Variants in GRIP1 observed in about 807,000 individuals in gnomAD.
GRIP1 encodes glutamate receptor interacting protein 1.
Under a neutral mutation model 129.9 loss-of-function variants are expected in GRIP1, and 45 were observed. The observed-to-expected ratio is 0.35, with a 90% CI of 0.27 to 0.44. The LOEUF is 0.44. Ranked by LOEUF, GRIP1 falls within the 20% of genes least tolerant of loss-of-function variation. GRIP1 has a pLI of 1.00. For missense variants in GRIP1, 1,196 were observed against 1,396.8 expected (o/e 0.86, Z 2.29); for synonymous variants, 530 against 520.8 (o/e 1.02, Z -0.24).
At chr12:66,518,004 A>C (rs200064307) in intron 5 of GRIP1, 28 bp from the exon 6 acceptor site, 82 of 1,219,574 alleles carry the variant, frequency 6.7e-5, no homozygotes, top group Non-Finnish European at 9.0e-5. Flanking sequence ...CAGAGCTTAA[A>C]ACTGCTTTCA....
intron 1 of GRIP1, among the ~76,000 whole-genome samples, chr12:66,672,853 T>G (rs540241319): frequency 8.5e-5 from 13 of 152,156 alleles, no homozygotes; most frequent in Non-Finnish European, 1.8e-4. Context: ...TAAAACAGTT[T>G]TCACAAGTAA....
At chr12:66,982,575 T>C (rs986853243) in intron 1 of GRIP1, among the ~76,000 whole-genome samples, 3 of 152,194 alleles carry the variant, frequency 2.0e-5, no homozygotes, top group Non-Finnish European at 2.9e-5. Flanking sequence ...GAGGCCCTCA[T>C]GGTAAGAAAT....
intron 23 of GRIP1, among the ~76,000 whole-genome samples, chr12:66,364,031 T>C (rs1263083913): frequency 6.6e-6 from 1 of 151,876 alleles, no homozygotes; most frequent in East Asian, 1.9e-4. Context: ...GGAAGGTGGA[T>C]CATGAGGTCA....
chr12:66,517,215 C>T (rs2060871957), intron 6 of GRIP1, among the ~76,000 whole-genome samples: 1 of 152,076 alleles, frequency 6.6e-6, no homozygotes. Context: ...TCAACTTTTG[C>T]TGTGGGAAAC....
intron 1 of GRIP1, among the ~76,000 whole-genome samples, chr12:66,935,568 G>A (rs2137423642): frequency 6.6e-6 from 1 of 152,248 alleles, no homozygotes; most frequent in South Asian, 2.1e-4. Flanking sequence ...AATCAATCAT[G>A]GCCATTGATA....
intron 1 of GRIP1, among the ~76,000 whole-genome samples, chr12:66,879,416 T>A (rs1330472290): frequency 6.6e-6 from 1 of 152,076 alleles, no homozygotes; most frequent in East Asian, 1.9e-4. Context: ...CTATCATTCA[T>A]TTATAGGTTA....
chr12:66,398,089 A>G (rs1272670634), intron 16 of GRIP1, among the ~76,000 whole-genome samples: 4 of 152,102 alleles, frequency 2.6e-5, no homozygotes, highest in African/African-American at 9.7e-5. Flanking sequence ...GAAGGGCCCC[A>G]CTGTGGCTCT....
upstream of GRIP1, among the ~76,000 whole-genome samples, chr12:66,804,379 G>A (rs896238148): frequency 2.0e-5 from 3 of 151,876 alleles, no homozygotes; most frequent in African/African-American, 7.3e-5. Flanking sequence ...AGCGATATGG[G>A]TTTACCTTGA....
intron 1 of GRIP1, among the ~76,000 whole-genome samples, chr12:66,607,907 A>G (rs1006746230): frequency 3.9e-4 from 59 of 152,100 alleles, no homozygotes; most frequent in African/African-American, 1.4e-3. Flanking sequence ...TCACTTTTTT[A>G]TAGACTTTAG....
intron 13 of GRIP1, among the ~76,000 whole-genome samples, chr12:66,434,331 G>A (rs1232375967): frequency 6.6e-6 from 1 of 152,146 alleles, no homozygotes; most frequent in African/African-American, 2.4e-5. Flanking sequence ...GCAATCAGCT[G>A]CCTTTCCCAT....
At chr12:66,824,842 A>C (rs1191314680) in intron 1 of GRIP1, among the ~76,000 whole-genome samples, 3 of 152,190 alleles carry the variant, frequency 2.0e-5, no homozygotes, top group African/African-American at 7.2e-5. Flanking sequence ...GGAAATGTAT[A>C]TGATAGCACA....
intron 1 of GRIP1, among the ~76,000 whole-genome samples, chr12:66,809,945 C>T (rs575145263): frequency 2.0e-5 from 3 of 152,184 alleles, no homozygotes; most frequent in African/African-American, 7.2e-5. Context: ...CATGAGCCAC[C>T]ACACCTGGCT....
chr12:66,608,968 T>C (rs868823653), intron 1 of GRIP1, among the ~76,000 whole-genome samples: 7 of 147,644 alleles, frequency 4.7e-5, no homozygotes, highest in Admixed American at 3.4e-4. Flanking sequence ...ATATTATATA[T>C]ATATTTTTTT....
intron 1 of GRIP1, among the ~76,000 whole-genome samples, chr12:66,823,477 T>C (rs961203151): frequency 6.6e-6 from 1 of 152,164 alleles, no homozygotes; most frequent in Non-Finnish European, 1.5e-5. Flanking sequence ...TGATCAATGA[T>C]CATTTACAGC....
chr12:67,004,756 A>G (rs2042602676), intron 1 of GRIP1, among the ~76,000 whole-genome samples: 1 of 152,220 alleles, frequency 6.6e-6, no homozygotes, highest in Non-Finnish European at 1.5e-5. Flanking sequence ...CTTTTTTTAA[A>G]GTTTAAAGGG....
chr12:66,951,876 G>A (rs2041763628), intron 1 of GRIP1, among the ~76,000 whole-genome samples: 1 of 152,148 alleles, frequency 6.6e-6, no homozygotes, highest in African/African-American at 2.4e-5. Flanking sequence ...CAGACCTGAT[G>A]ACAGTGATGA....
intron 7 of GRIP1, among the ~76,000 whole-genome samples, chr12:66,488,527 G>A (rs939452552): frequency 1.3e-5 from 2 of 152,130 alleles, no homozygotes; most frequent in Non-Finnish European, 2.9e-5. Flanking sequence ...AACCTAGCAA[G>A]ATCTCAAGTT....
intron 2 of GRIP1, among the ~76,000 whole-genome samples, chr12:66,588,754 A>C (rs1565890114): frequency 6.6e-6 from 1 of 152,090 alleles, no homozygotes; most frequent in Non-Finnish European, 1.5e-5. Context: ...GTAGATCATG[A>C]GGTCAGGAGT....
chr12:66,538,432 GTGAT>G (rs2061673043), intron 4 of GRIP1, among the ~76,000 whole-genome samples: 1 of 151,924 alleles, frequency 6.6e-6, no homozygotes, highest in African/African-American at 2.4e-5. Context: ...CTGGCTTCAA[GTGAT>G]CCTCCCGCCT....
Sources: gnomAD v4.1 joint callset for allele counts (sites outside exome capture counted in the v4.1 genomes callset) on GRCh38, gnomAD v4.1.1 for gene constraint, MANE v1.5 for transcripts, NCBI Gene and HGNC (gene_info 2026-07-23, HGNC 2026-07-21) for gene names.